ARID2: variants seen among roughly 807,000 people sequenced by gnomAD.
ARID2 encodes the protein AT-rich interaction domain 2.
Under a neutral mutation model 184.6 loss-of-function variants are expected in ARID2, and 32 were observed. The observed-to-expected ratio is 0.17, with a 90% confidence interval of 0.13 to 0.23. The LOEUF (loss-of-function observed/expected upper bound fraction) is 0.23. Among genes scored for constraint, ARID2 ranks in the 10% least tolerant of loss-of-function variants. The pLI, the probability that ARID2 is intolerant of heterozygous loss-of-function variation, is 1.00. For synonymous variants in ARID2, 836 were observed against 772.6 expected, an observed-to-expected ratio of 1.08 and a Z score of -1.36; for missense variants, 1,696 against 2,197.6, an observed-to-expected ratio of 0.77 and a Z score of 4.56.
intron 5 of ARID2, among the ~76,000 whole-genome samples, 197 bp downstream of exon 5, chr12:45,818,085 T>A (rs985204727): frequency 1.3e-5 from 2 of 152,164 alleles, no homozygotes; most frequent in African/African-American, 4.8e-5. Context: ...TGTCTCAGTG[T>A]TTTTGAAGTA....
chr12:45,866,343 C>T (rs1025032652), intron 16 of ARID2, among the ~76,000 whole-genome samples: 15 of 152,062 alleles, frequency 9.9e-5, no homozygotes, highest in African/African-American at 2.7e-4. Flanking sequence ...TGCAATGATC[C>T]TGCACTATAG....
At chr12:45,902,656 T>C (rs1263558649) in intron 20 of ARID2, among the ~76,000 whole-genome samples, 1 of 151,728 alleles carries the variant, frequency 6.6e-6, no homozygotes, top group African/African-American at 2.4e-5. Context: ...CTCAGCCTCC[T>C]GAGTAGCTGG....
At chr12:45,866,052 A>G (rs192239594) in intron 16 of ARID2, among the ~76,000 whole-genome samples, 1 of 152,172 alleles carries the variant, frequency 6.6e-6, no homozygotes, top group African/African-American at 2.4e-5. Context: ...GCTATACTAT[A>G]TTGTACATGA....
At chr12:45,772,702 A>C (rs1941899932) in intron 3 of ARID2, among the ~76,000 whole-genome samples, 1 of 152,246 alleles carries the variant, frequency 6.6e-6, no homozygotes, top group African/African-American at 2.4e-5. Flanking sequence ...AAGAAGACAT[A>C]ATAATTGTAA....
At chr12:45,815,623 T>G (rs568209707) in intron 4 of ARID2, among the ~76,000 whole-genome samples, 56 of 148,572 alleles carry the variant, frequency 3.8e-4, no homozygotes, top group Non-Finnish European at 5.6e-4. Flanking sequence ...GTGTGTGTGT[T>G]TTTAACTTTT....
Position 45,850,613 on chromosome 12 carries a change from A to T in ARID2, c.2490A>T (p.Gln830His), listed in dbSNP as rs200901742. ...QLITTSPQPV[Q>H]TSSQQTSAGS... The stretch of plus-strand genomic sequence containing the variant: ...TCACCACATCACCCCAACCTGTGCA[A>T]ACTTCATCTCAACAGACATCAGCTG... The change falls in exon 15 of 21, where the codon CAA (glutamine) becomes CAT (histidine). Residue 830 changes from glutamine (Q) to histidine (H), a missense_variant. Coordinates refer to ENST00000334344, the MANE Select transcript of ARID2 (RefSeq NM_152641.4). 1 of 1,614,094 alleles carries T rather than the reference A, an allele frequency of 6.2e-7. No individual in the cohort carries two copies. The highest frequency in any genetic ancestry group is 2.2e-5 in the East Asian group (1 of 44,886).
chr12:45,905,595 G>A lies in ARID2; in HGVS notation c.*517G>A. 4.3e-6 allele frequency: 1 copy of A among 233,216 alleles called. No homozygotes were observed. The highest frequency in any genetic ancestry group is 6.1e-5 in the East Asian group (1 of 16,464). 14.4% of individuals were successfully genotyped at this position (233,216 alleles called of 1,614,324 possible). ...ACCAATATCTAGCTATGGATCGTGT[G>A]TTTTGTTTAGAAATCAGTAGCTTGG... On this transcript the variant is annotated 3_prime_UTR_variant, in exon 21 of 21. Transcript: ENST00000334344.
rs11183231 is a variant in ARID2 at position 45,898,010 on chromosome 12, G to T, written c.5363+4289G>T. 4.8e-4 allele frequency among the ~76,000 whole-genome samples: 73 copies of T among 152,046 alleles called. No individual in the cohort carries two copies. In the East Asian group the frequency reaches 0.013, roughly 27 times the overall value. On this transcript the variant is annotated intron_variant, in intron 20 of 20. Transcript: ENST00000334344. ...ACGAGGTCTCACCATGTTGTGCAGG[G>T]TTGTCTTGAACTTCTGGGCTCAAGC...
At chr12:45,730,951 G>A (rs188187752) in intron 2 of ARID2, among the ~76,000 whole-genome samples, 7 of 149,312 alleles carry the variant, frequency 4.7e-5, no homozygotes, top group Non-Finnish European at 7.4e-5. Context: ...ACTTGCGATT[G>A]GTTATTGTCC....
intron 3 of ARID2, among the ~76,000 whole-genome samples, chr12:45,790,287 TTCTG>T (rs1315040284): frequency 2.0e-5 from 3 of 152,166 alleles, no homozygotes; most frequent in African/African-American, 4.8e-5. Context: ...AAAGAATTGT[TTCTG>T]TCTCTTTTAT....
At chr12:45,861,128 T>C (rs963800494) in intron 16 of ARID2, among the ~76,000 whole-genome samples, 179 bp downstream of exon 16, 2 of 152,248 alleles carry the variant, frequency 1.3e-5, no homozygotes, top group African/African-American at 4.8e-5. Flanking sequence ...AATTTATATA[T>C]AAGTGATGGA....
At chr12:45,735,205 G>A (rs1941084908) in intron 3 of ARID2, among the ~76,000 whole-genome samples, 1 of 151,768 alleles carries the variant, frequency 6.6e-6, no homozygotes, top group Non-Finnish European at 1.5e-5. Flanking sequence ...ACACTCATGT[G>A]TTCTCTAGTT....
At chr12:45,831,208 ATTG>A (rs1943116179) in intron 6 of ARID2, among the ~76,000 whole-genome samples, 1 of 151,960 alleles carries the variant, frequency 6.6e-6, no homozygotes, top group Admixed American at 6.6e-5. Context: ...TACACGATTG[ATTG>A]TTGTTTTTAT....
chr12:45,840,215 C>T (rs1051578432), intron 11 of ARID2: 2 of 152,092 alleles, frequency 1.3e-5, no homozygotes, highest in Non-Finnish European at 2.9e-5. Context: ...TCTCACCTAC[C>T]CTTCCATTTC....
At chr12:45,752,378 C>T (rs1377974374) in intron 3 of ARID2, among the ~76,000 whole-genome samples, 2 of 152,132 alleles carry the variant, frequency 1.3e-5, no homozygotes, top group East Asian at 1.9e-4. Context: ...GTAGAGAGCA[C>T]GGTGTCTGGT....
In ARID2 at chr12:45,773,738, T is replaced by A. The variant is rs143266861; in HGVS notation, c.285-37680T>A. On this transcript the variant is annotated intron_variant, in intron 3 of 20. Transcript: ENST00000334344. ...TAACAAATAAAGAGATTGAGTTAAT[T>A]ATTATTTTTTTAAGAAGCCACCTAC... is the stretch of plus-strand genomic sequence containing the variant. Among the ~76,000 whole-genome samples the A allele has an allele frequency of 2.4e-3, 360 of 152,176 alleles. 4 individuals carry two copies. The highest frequency in any genetic ancestry group is 0.012 in the Admixed American group (178 of 15,288).
At chr12:45,837,047 C>G (rs936460527) in intron 8 of ARID2, 56 bp downstream of exon 8, 1 of 1,563,510 alleles carries the variant, frequency 6.4e-7, no homozygotes, top group Admixed American at 1.9e-5. Context: ...ATTTATGTTA[C>G]AATTTTAGGA....
Position 45,808,803 on chromosome 12 carries a change from C to G in ARID2, c.285-2615C>G, listed in dbSNP as rs550220333. On this transcript the variant is annotated intron_variant, in intron 3 of 20. Transcript: ENST00000334344. ...TTGAGACGAAGTTTTGCCCTATCGT[C>G]CAGGCAGCTGGAGTGCAGTGGCACA... is the stretch of plus-strand genomic sequence containing the variant. 6.8e-4 allele frequency among the ~76,000 whole-genome samples: 104 copies of G among 151,946 alleles called. 1 individual carries two copies. The highest frequency in any genetic ancestry group is 1.5e-4 in the Non-Finnish European group (10 of 67,950).
intron 3 of ARID2, among the ~76,000 whole-genome samples, chr12:45,760,424 TAAC>T (rs1031909978): frequency 2.0e-5 from 3 of 152,232 alleles, no homozygotes; most frequent in Non-Finnish European, 4.4e-5. Context: ...GAAGGCTTGT[TAAC>T]AACGTCTAAT....
Sources: gnomAD v4.1 joint callset for allele counts (sites outside exome capture counted in the v4.1 genomes callset) on GRCh38, gnomAD v4.1.1 for gene constraint, MANE v1.5 for transcripts, NCBI Gene and HGNC (gene_info 2026-07-23, HGNC 2026-07-21) for gene names.